The following COBL variants were observed in gnomAD, a reference collection of about 807,000 sequenced individuals.
The protein encoded by COBL is protein cordon-bleu.
Under a neutral mutation model 98.8 loss-of-function variants are expected in COBL, and 51 were observed. The ratio of observed to expected loss-of-function variants is 0.52; its 90% CI spans 0.41 to 0.65. COBL has a LOEUF of 0.65. Ranked by LOEUF, COBL falls within the 30% of genes least tolerant of loss-of-function variation. COBL has a pLI of 0.00. For synonymous variants in COBL, 634 were observed against 651.7 expected (o/e 0.97, Z 0.41); for missense variants, 1,617 against 1,617.5 (o/e 1.00, Z 0.01).
At chr7:51,219,590 A>G in intron 2 of COBL, 151 bp downstream of exon 2, 2 of 760,462 alleles carry the variant, frequency 2.6e-6, no homozygotes, top group African/African-American at 3.5e-5. Flanking sequence ...GCCTGCTCTA[A>G]GTAGTCACTA....
At chr7:51,206,267 G>A (rs1046289058) in intron 2 of COBL, among the ~76,000 whole-genome samples, 2 of 152,098 alleles carry the variant, frequency 1.3e-5, no homozygotes, top group African/African-American at 4.8e-5. Flanking sequence ...CAAGGTGGGT[G>A]GATCACCTGA....
Position 51,029,051 on chromosome 7 carries a change from G to C in COBL, c.2045C>G (p.Ala682Gly), listed in dbSNP as rs764247807. The C allele has an allele frequency of 3.1e-6, 5 of 1,614,190 alleles. No homozygotes were observed. Among genetic ancestry groups the C allele is most frequent in the Non-Finnish European group, 4.2e-6 (5 of 1,180,032 alleles). The change falls in exon 10 of 13, where the codon GCC (alanine) becomes GGC (glycine). Residue 682 changes from alanine (A) to glycine (G), a missense_variant. Ala to Gly is a moderately conservative substitution (Grantham distance 60). Around this residue, in one of 3 missense-constraint regions of COBL, gnomAD observed 1,304 missense variants for 1,282.0 expected, o/e 1.02. Transcript: ENST00000265136. ...TTGGTGCCATGATGTTGGTGCCAAG[G>C]CAGCGTTTTTATCGTTGCTGTCCTT... ...NEKDSNDKNA[A>G]LAPTSWHQRG...
At chr7:51,068,111 G>T (rs948950040) in intron 7 of COBL, among the ~76,000 whole-genome samples, 2 of 152,348 alleles carry the variant, frequency 1.3e-5, no homozygotes, top group African/African-American at 4.8e-5. Context: ...GGCAGAGGCG[G>T]TGGGCTGACC....
At chr7:51,244,005 A>G (rs1796063235) in intron 1 of COBL, among the ~76,000 whole-genome samples, 1 of 152,222 alleles carries the variant, frequency 6.6e-6, no homozygotes, top group Non-Finnish European at 1.5e-5. Flanking sequence ...ATTAAAAAAT[A>G]TATCAGCTAA....
chr7:51,129,847 A>G (rs913147097), intron 6 of COBL, among the ~76,000 whole-genome samples: 3 of 152,212 alleles, frequency 2.0e-5, no homozygotes, highest in African/African-American at 4.8e-5. Context: ...GAGGCTTTAA[A>G]GCATGACATG....
At chr7:51,286,866 C>T (rs1800414681) in intron 1 of COBL, among the ~76,000 whole-genome samples, 1 of 152,154 alleles carries the variant, frequency 6.6e-6, no homozygotes, top group Non-Finnish European at 1.5e-5. Flanking sequence ...CCTAAGTGCC[C>T]ATCAATGGTG....
rs866035492 is a variant in COBL at position 51,018,905 on chromosome 7, A to T, written c.3769-1337T>A. ...AAACTCCATCTCAAAAAAAAAAAAA[A>T]ATATATATATATATATATATATATA... On this transcript the variant is annotated intron_variant, in intron 12 of 12. Coordinates refer to ENST00000265136, the MANE Select transcript of COBL (RefSeq NM_015198.5). 3.0e-3 allele frequency among the ~76,000 whole-genome samples: 103 copies of T among 34,400 alleles called. 5 individuals carry two copies. Among genetic ancestry groups the T allele is most frequent in the African/African-American group, 0.011 (89 of 7,964 alleles). 22.6% of individuals were successfully genotyped at this position (34,400 alleles called of 152,430 possible). A position where few individuals can be genotyped will look rare whatever the true frequency, so the allele number is the denominator to read the frequency against.
intron 2 of COBL, among the ~76,000 whole-genome samples, chr7:51,196,631 C>T (rs1790622128): frequency 6.6e-6 from 1 of 151,990 alleles, no homozygotes; most frequent in Non-Finnish European, 1.5e-5. Flanking sequence ...AGCTGTGAAT[C>T]CGTTTGCTCC....
At chr7:51,248,328 G>A (rs1796440670) in intron 1 of COBL, among the ~76,000 whole-genome samples, 1 of 152,276 alleles carries the variant, frequency 6.6e-6, no homozygotes, top group African/African-American at 2.4e-5. Flanking sequence ...TTATGGGGAA[G>A]ACTACACTTA....
chr7:51,024,022 A>C (rs1029229835), intron 12 of COBL, among the ~76,000 whole-genome samples: 1 of 152,184 alleles, frequency 6.6e-6, no homozygotes, highest in Non-Finnish European at 1.5e-5. Flanking sequence ...CAGAAAATAA[A>C]ATCTTTGCCG....
rs79407032 is a variant in COBL at position 51,132,394 on chromosome 7, G to A, written c.957+3764C>T. Among the ~76,000 whole-genome samples the A allele has an allele frequency of 5.9e-3, 893 of 152,320 alleles. 26 individuals carry two copies. The South Asian group carries it at 0.075, about 13-fold the overall frequency. ...GGCAAATGCCATGAGATCTATGTCT[G>A]ATCACTACAGCAATCACTGGCTAGT... On this transcript the variant is annotated intron_variant, in intron 6 of 12. Transcript: ENST00000265136.
intron 6 of COBL, among the ~76,000 whole-genome samples, chr7:51,131,593 C>CTTT (rs369394848): frequency 5.0e-5 from 7 of 139,368 alleles, no homozygotes; most frequent in African/African-American, 1.3e-4. Context: ...GATTCTTCTT[C>CTTT]TTTTTTTTTT....
chr7:51,125,810 G>A (rs140520885), intron 6 of COBL, among the ~76,000 whole-genome samples: 12 of 152,150 alleles, frequency 7.9e-5, no homozygotes, highest in East Asian at 5.8e-4. Flanking sequence ...CAGAACATCC[G>A]CGTACTCATT....
chr7:51,238,208 T>C (rs915791677), intron 1 of COBL, among the ~76,000 whole-genome samples: 4 of 152,204 alleles, frequency 2.6e-5, no homozygotes, highest in Non-Finnish European at 4.4e-5. Context: ...TTTGTTCAAC[T>C]ACCAGTTTTG....
At chr7:51,043,783 C>A in intron 7 of COBL, 91 bp from the exon 8 acceptor site, 1 of 1,180,946 alleles carries the variant, frequency 8.5e-7, no homozygotes, top group Non-Finnish European at 1.2e-6. Context: ...CGGCCCCGCT[C>A]TAAAATTTGG....
chr7:51,259,286 CAAA>C (rs778118572), intron 1 of COBL: 331 of 76,584 alleles, frequency 4.3e-3, no homozygotes, highest in Middle Eastern at 0.019. Flanking sequence ...GACTCCAGCT[CAAA>C]AAAAAAAAAA....
chr7:51,077,844 G>A (rs184215874), intron 7 of COBL, among the ~76,000 whole-genome samples: 6 of 152,252 alleles, frequency 3.9e-5, no homozygotes, highest in South Asian at 2.1e-4. Flanking sequence ...CACTGAAATC[G>A]TCCCTCAAGG....
At chr7:51,295,039 C>T (rs140783951) in intron 1 of COBL, among the ~76,000 whole-genome samples, 1 of 151,978 alleles carries the variant, frequency 6.6e-6, no homozygotes, top group Non-Finnish European at 1.5e-5. Context: ...ATAATCCCAG[C>T]ACTTTGGGAG....
chr7:51,190,061 C>A (rs1789945889), intron 4 of COBL, among the ~76,000 whole-genome samples: 1 of 152,172 alleles, frequency 6.6e-6, no homozygotes, highest in Non-Finnish European at 1.5e-5. Flanking sequence ...CCTAAGGTGG[C>A]CCTAAAGTTA....
Sources: allele counts gnomAD v4.1 joint callset (sites outside exome capture counted in the v4.1 genomes callset), GRCh38; gene constraint gnomAD v4.1.1; regional missense constraint gnomAD v4.1.1; transcripts MANE v1.5; gene names NCBI Gene and HGNC (gene_info 2026-07-23, HGNC 2026-07-21).